Variants in TTC27 observed in about 807,000 individuals in gnomAD.
TTC27 encodes the protein tetratricopeptide repeat domain 27.
In TTC27, 79 loss-of-function variants were observed where a neutral mutation model predicts 115.9. That is an observed-to-expected ratio of 0.68 (90% CI 0.57 to 0.82). The LOEUF (loss-of-function observed/expected upper bound fraction) is 0.82. Among genes scored for constraint, TTC27 ranks in the 40% least tolerant of loss-of-function variants. The pLI is 0.00. For synonymous variants in TTC27, 401 were observed against 356.0 expected (o/e 1.13, Z -1.42); for missense variants, 1,054 against 993.1 (o/e 1.06, Z -0.82).
intron 7 of TTC27, among the ~76,000 whole-genome samples, chr2:32,668,443 A>T (rs1665872564): frequency 6.6e-6 from 1 of 151,462 alleles, no homozygotes; most frequent in Non-Finnish European, 1.5e-5. Flanking sequence ...TATTATGAGA[A>T]ATGTATGAAA....
rs571470848 is a variant in TTC27, at chr2:32,678,337, C to A, written c.1053-519C>A. On this transcript the variant is annotated intron_variant, in intron 8 of 19. Transcript: ENST00000317907. The stretch of plus-strand genomic sequence containing the variant: ...TATTTGTCAGCATTTTATTTTTATA[C>A]CTTTATACTTTATACCTTATATCTT... Among the ~76,000 whole-genome samples, 6 of 151,208 alleles carry A rather than the reference C, an allele frequency of 4.0e-5. No individual in the cohort carries two copies. In the East Asian group the frequency reaches 1.2e-3, roughly 29 times the overall value.
Position 32,698,303 on chromosome 2 carries a change from A to G in TTC27, c.1120-4504A>G, listed in dbSNP as rs568780097. Among the ~76,000 whole-genome samples the G allele has an allele frequency of 5.9e-5, 9 of 151,640 alleles. No individual in the cohort carries two copies. The East Asian group carries it at 1.6e-3, about 26-fold the overall frequency. On this transcript the variant is annotated intron_variant, in intron 9 of 19. Coordinates refer to ENST00000317907, the MANE Select transcript of TTC27 (RefSeq NM_017735.5). ...TGCCACCACACCCAGCAAATTTGAT[A>G]AATTTTTTTGTAGAGACAGGGGCTT...
rs937704528 is a variant in TTC27, at chr2:32,771,544, G to A, written c.1681-6338G>A. Among the ~76,000 whole-genome samples the A allele has an allele frequency of 1.8e-4, 27 of 152,214 alleles. 1 individual carries two copies. The highest frequency in any genetic ancestry group is 3.4e-4 in the Non-Finnish European group (23 of 68,034). On this transcript the variant is annotated intron_variant, in intron 13 of 19. Transcript: ENST00000317907. Reference sequence around the variant, plus strand: ...TTAATAACCTCTAGTAAAAGAAAAAGTATGTATAAAATTTAGTTGATCCTT... The same window carrying A: ...TTAATAACCTCTAGTAAAAGAAAAAATATGTATAAAATTTAGTTGATCCTT...
At chr2:32,692,253 A>C (rs963742507) in intron 9 of TTC27, among the ~76,000 whole-genome samples, 2 of 151,806 alleles carry the variant, frequency 1.3e-5, no homozygotes, top group African/African-American at 4.8e-5. Context: ...TTTTTAACCA[A>C]ATACTTATAA....
intron 19 of TTC27, among the ~76,000 whole-genome samples, chr2:32,820,220 G>T (rs1484711595): frequency 6.6e-6 from 1 of 152,210 alleles, no homozygotes; most frequent in East Asian, 1.9e-4. Context: ...GGGGGCCTAT[G>T]TTGGCTCAGC....
intron 3 of TTC27, chr2:32,635,471 G>C (rs1168403797): frequency 6.6e-6 from 1 of 152,234 alleles, no homozygotes; most frequent in East Asian, 1.9e-4. Context: ...CGGTTCACGA[G>C]GTCAGGAGTT....
chr2:32,681,091 A>C (rs189973127), intron 9 of TTC27, among the ~76,000 whole-genome samples: 1 of 152,116 alleles, frequency 6.6e-6, no homozygotes, highest in East Asian at 1.9e-4. Context: ...ACCCTCTTAC[A>C]ATCAGAACCA....
chr2:32,645,517 C>G (rs927334817), intron 4 of TTC27, among the ~76,000 whole-genome samples: 14 of 151,976 alleles, frequency 9.2e-5, no homozygotes, highest in African/African-American at 3.1e-4. Flanking sequence ...TTATTAATGC[C>G]TCAATTTTTT....
intron 13 of TTC27, among the ~76,000 whole-genome samples, chr2:32,767,353 C>A (rs1200349438): frequency 6.6e-6 from 1 of 151,248 alleles, no homozygotes; most frequent in Non-Finnish European, 1.5e-5. Context: ...ATAGAGACAG[C>A]ATATTTGATA....
At chr2:32,638,389 A>AT (rs1329528492) in intron 3 of TTC27, among the ~76,000 whole-genome samples, 1 of 151,586 alleles carries the variant, frequency 6.6e-6, no homozygotes, top group Non-Finnish European at 1.5e-5. Flanking sequence ...ATTGTTTTTT[A>AT]TTTTTTTCTA....
At chr2:32,660,355 C>T (rs1405673864) in intron 5 of TTC27, among the ~76,000 whole-genome samples, 1 of 152,002 alleles carries the variant, frequency 6.6e-6, no homozygotes, top group Non-Finnish European at 1.5e-5. Context: ...CCCAAATGCC[C>T]ATCAATGATA....
intron 12 of TTC27, among the ~76,000 whole-genome samples, chr2:32,752,643 G>T (rs1361224528): frequency 6.6e-6 from 1 of 152,130 alleles, no homozygotes; most frequent in Non-Finnish European, 1.5e-5. Context: ...CGTTCTTTTT[G>T]CATGTTGGTT....
intron 10 of TTC27, among the ~76,000 whole-genome samples, chr2:32,718,864 C>T (rs1667834318): frequency 6.6e-6 from 1 of 152,214 alleles, no homozygotes; most frequent in Non-Finnish European, 1.5e-5. Flanking sequence ...GCTGTTATAA[C>T]AAAGATGCTT....
chr2:32,741,499 AAAATT>A (rs1212778971), intron 12 of TTC27, among the ~76,000 whole-genome samples: 2 of 151,964 alleles, frequency 1.3e-5, no homozygotes, highest in African/African-American at 4.8e-5. Context: ...AAAAAAAAAA[AAAATT>A]AACCGGACGT....
intron 6 of TTC27, 21 bp from the exon 7 acceptor site, chr2:32,666,614 A>G (rs1184887497): frequency 5.0e-6 from 8 of 1,613,116 alleles, no homozygotes; most frequent in African/African-American, 1.3e-5. Flanking sequence ...GTCAGTAGAT[A>G]TAATTTTATT....
intron 5 of TTC27, 40 bp downstream of exon 5, chr2:32,650,273 A>G (rs749376526): frequency 1.3e-6 from 2 of 1,485,944 alleles, no homozygotes; most frequent in Admixed American, 1.7e-5. Flanking sequence ...CATGTAGCTC[A>G]GTTCTAATTA....
intron 9 of TTC27, among the ~76,000 whole-genome samples, chr2:32,685,211 G>T (rs903761141): frequency 2.6e-5 from 4 of 151,720 alleles, no homozygotes; most frequent in Non-Finnish European, 5.9e-5. Flanking sequence ...TGTGTTTTTA[G>T]TACAGATGGG....
chr2:32,674,848 G>A (rs1400435215), intron 8 of TTC27, among the ~76,000 whole-genome samples: 2 of 151,958 alleles, frequency 1.3e-5, no homozygotes, highest in Non-Finnish European at 2.9e-5. Context: ...GTATTTGGTA[G>A]ATATGGGGTT....
chr2:32,667,160 C>G (rs1259629589), intron 7 of TTC27, among the ~76,000 whole-genome samples: 1 of 152,232 alleles, frequency 6.6e-6, no homozygotes, highest in East Asian at 1.9e-4. Context: ...CTTGGAATCT[C>G]TTAGGCTTTT....
Sources: gnomAD v4.1 joint callset for allele counts (sites outside exome capture counted in the v4.1 genomes callset) on GRCh38, gnomAD v4.1.1 for gene constraint, MANE v1.5 for transcripts, NCBI Gene and HGNC (gene_info 2026-07-23, HGNC 2026-07-21) for gene names.